The following PRSS3 variants were observed in gnomAD, a reference collection of about 807,000 sequenced individuals.
PRSS3 encodes the protein serine protease 3.
In PRSS3, 14 loss-of-function variants were observed where a neutral mutation model predicts 20.8. That is an observed-to-expected ratio of 0.67 (90% CI 0.44 to 1.05). The LOEUF (loss-of-function observed/expected upper bound fraction) is 1.05. Among genes scored for constraint, PRSS3 ranks in the 50% least tolerant of loss-of-function variants. The probability of loss-of-function intolerance (pLI) is 0.00; values close to 1 mark genes in which losing one functional copy is unlikely to be tolerated. For missense variants in PRSS3, 237 were observed against 306.4 expected (o/e 0.77, Z 1.69); for synonymous variants, 91 against 117.6 (o/e 0.77, Z 1.46).
intron 1 of PRSS3, among the ~76,000 whole-genome samples, chr9:33,779,435 A>G (rs1417045037): frequency 6.6e-6 from 1 of 152,232 alleles, no homozygotes; most frequent in Admixed American, 6.5e-5. Context: ...CTAGAATTTA[A>G]TAATGCAATT....
chr9:33,794,184 C>T (rs375421044), upstream of PRSS3, among the ~76,000 whole-genome samples: 1 of 131,186 alleles, frequency 7.6e-6, no homozygotes, highest in South Asian at 2.3e-4. Flanking sequence ...GATCTCAACA[C>T]GAAGTTTCTG....
intron 1 of PRSS3, among the ~76,000 whole-genome samples, chr9:33,769,144 G>T (rs1823572748): frequency 6.6e-6 from 1 of 152,140 alleles, no homozygotes; most frequent in Non-Finnish European, 1.5e-5. Context: ...AAATACTGAA[G>T]GTGGCCTGAT....
At chr9:33,775,836 G>A (rs187578916) in intron 1 of PRSS3, among the ~76,000 whole-genome samples, 3 of 151,656 alleles carry the variant, frequency 2.0e-5, no homozygotes, top group Non-Finnish European at 2.9e-5. Flanking sequence ...CCAAGTTGCT[G>A]AGATTACAGG....
rs549587152 is a variant in PRSS3 at position 33,757,860 on chromosome 9, T to A, written c.-53+7133T>A. 2.0e-5 allele frequency among the ~76,000 whole-genome samples: 3 copies of A among 152,340 alleles called. No individual in the cohort carries two copies. The South Asian group carries it at 6.2e-4, about 32-fold the overall frequency. On this transcript the variant is annotated intron_variant, in intron 1 of 5. Coordinates refer to the PRSS3 transcript ENST00000342836. ...TATGTCACCACCTCTTGGATGATGC[T>A]ACCTCATTCTCAAATCTGATGGTAT... is the stretch of plus-strand genomic sequence containing the variant.
intron 4 of PRSS3, 139 bp downstream of exon 4, chr9:33,798,761 C>A: frequency 7.1e-7 from 1 of 1,399,974 alleles, no homozygotes; most frequent in Non-Finnish European, 9.9e-7. Flanking sequence ...GGTGGCGGGG[C>A]TGAGGCGGCT....
chr9:33,795,492 A>G, upstream of PRSS3: 2 of 1,568,006 alleles, frequency 1.3e-6, no homozygotes, highest in Non-Finnish European at 8.8e-7. Flanking sequence ...TGTGACCCTC[A>G]CCTCACAGAC....
intron 1 of PRSS3, among the ~76,000 whole-genome samples, chr9:33,751,161 C>A (rs573221228): frequency 6.6e-6 from 1 of 152,320 alleles, no homozygotes; most frequent in South Asian, 2.1e-4. Flanking sequence ...CGCGCGCCCC[C>A]GTGGATGCCA....
At chr9:33,786,283 G>T (rs1380370944) in intron 1 of PRSS3, 1 of 566,642 alleles carries the variant, frequency 1.8e-6, no homozygotes, top group Admixed American at 3.1e-5. Context: ...GGAGTCTGGG[G>T]TTAATGTTAA....
chr9:33,795,023 A>G (rs1204877293), upstream of PRSS3: 1 of 970,932 alleles, frequency 1.0e-6, no homozygotes, highest in Non-Finnish European at 1.4e-6. Context: ...GGAATTCTGG[A>G]TACCCAAAGT....
Position 33,798,028 on chromosome 9 carries a change from G to A in PRSS3, c.400G>A (p.Ala134Thr), listed in dbSNP as rs1825096421. ...STISLPTTPP[A>T]AGTECLISGW... is the part of the protein sequence containing the mutation. ...CATCTCTCTGCCCACCACCCCTCCA[G>A]CTGCTGGCACTGAGTGCCTCATCTC... is the stretch of plus-strand genomic sequence containing the variant. The change falls in exon 3 of 5, where the codon GCT (alanine) becomes ACT (threonine). Residue 134 changes from alanine to threonine, a missense_variant. Ala to Thr is a moderately conservative substitution (Grantham distance 58, BLOSUM62 0). Coordinates refer to ENST00000379405, the MANE Select transcript of PRSS3 (RefSeq NM_002771.4). 1 of 1,614,276 alleles carries A rather than the reference G, an allele frequency of 6.2e-7. No individual in the cohort carries two copies. Among genetic ancestry groups the A allele is most frequent in the Non-Finnish European group, 8.5e-7 (1 of 1,180,050 alleles).
chr9:33,766,263 CAA>C (rs67834191), intron 1 of PRSS3, among the ~76,000 whole-genome samples: 28 of 72,790 alleles, frequency 3.8e-4, no homozygotes, highest in Admixed American at 1.2e-3. Context: ...GATTCCGTCT[CAA>C]AAAAAAAAAA....
Position 33,799,225 on chromosome 9 carries a change from G to T in PRSS3, c.*45G>T, listed in dbSNP as rs1269857347. ...GTCTCTATACCAATAAAGTGGCCCTGCTCTCACTCTGTGTCTGTGCCGGCT... is the reference window on the plus strand; with the variant it reads ...GTCTCTATACCAATAAAGTGGCCCTTCTCTCACTCTGTGTCTGTGCCGGCT... On this transcript the variant is annotated 3_prime_UTR_variant, in exon 5 of 5. Transcript: ENST00000379405. 6.2e-7 allele frequency: 1 copy of T among 1,606,076 alleles called. No individual in the cohort carries two copies. The highest frequency in any genetic ancestry group is 1.3e-5 in the African/African-American group (1 of 74,412).
chr9:33,761,880 A>C (rs1823224631), intron 1 of PRSS3, among the ~76,000 whole-genome samples: 1 of 151,964 alleles, frequency 6.6e-6, no homozygotes. Context: ...CCTTGTCTCA[A>C]AAAAAAGAAG....
chr9:33,795,449 G>A (rs1824863324), upstream of PRSS3: 1 of 1,356,136 alleles, frequency 7.4e-7, no homozygotes, highest in Non-Finnish European at 1.0e-6. Context: ...CTGGCAAGGG[G>A]AAAGCTGCAG....
At chr9:33,786,581 C>T (rs1824421772) in intron 1 of PRSS3, 16 of 766,208 alleles carry the variant, frequency 2.1e-5, no homozygotes, top group South Asian at 8.0e-5. Context: ...TATCTGTCAA[C>T]GTGGAACCTC....
At chr9:33,772,235 C>T (rs1042192501) in intron 1 of PRSS3, among the ~76,000 whole-genome samples, 4 of 152,160 alleles carry the variant, frequency 2.6e-5, no homozygotes, top group African/African-American at 9.7e-5. Context: ...ATTTAAATAA[C>T]AGAAAGAAGG....
intron 1 of PRSS3, among the ~76,000 whole-genome samples, chr9:33,771,556 A>C (rs1226120265): frequency 6.8e-6 from 1 of 147,336 alleles, no homozygotes; most frequent in Non-Finnish European, 1.5e-5. Context: ...TGAACTCTTG[A>C]CCTCAGGCAA....
chr9:33,786,105 A>C, intron 1 of PRSS3: 8 of 302,282 alleles, frequency 2.6e-5, no homozygotes, highest in East Asian at 7.4e-5. Flanking sequence ...GCAGAAACTC[A>C]ACCACCTATT....
upstream of PRSS3, chr9:33,794,910 G>A (rs1224031228): frequency 6.5e-7 from 1 of 1,548,802 alleles, no homozygotes; most frequent in South Asian, 1.2e-5. Flanking sequence ...CTCCTTCTTT[G>A]AAACACTTCC....
Sources: allele counts gnomAD v4.1 joint callset (sites outside exome capture counted in the v4.1 genomes callset), GRCh38; gene constraint gnomAD v4.1.1; transcripts MANE v1.5; gene names NCBI Gene and HGNC (gene_info 2026-07-23, HGNC 2026-07-21).